The following KIF26B variants were observed in gnomAD, a reference collection of about 807,000 sequenced individuals.
The protein encoded by KIF26B is kinesin family member 26B, also known as kinesin-like protein KIF26B.
In KIF26B, 63 loss-of-function variants were observed where a neutral mutation model predicts 151.2. The ratio of observed to expected loss-of-function variants is 0.42; its 90% confidence interval spans 0.34 to 0.51. The LOEUF (loss-of-function observed/expected upper bound fraction) is 0.51. Ranked by LOEUF, KIF26B falls within the 20% of genes least tolerant of loss-of-function variation. The pLI is 0.07. For missense variants in KIF26B, 2,813 were observed against 2,913.6 expected (o/e 0.97, Z 0.79); for synonymous variants, 1,357 against 1,262.1 (o/e 1.08, Z -1.59).
chr1:245,337,562 G>A (rs979784961), intron 2 of KIF26B, among the ~76,000 whole-genome samples: 5 of 151,542 alleles, frequency 3.3e-5, no homozygotes, highest in South Asian at 4.2e-4. Context: ...GTGTGCACCC[G>A]TGTATGAGTA....
chr1:245,531,740 G>A (rs1222972176), intron 4 of KIF26B, among the ~76,000 whole-genome samples: 1 of 152,158 alleles, frequency 6.6e-6, no homozygotes, highest in Admixed American at 6.5e-5. Flanking sequence ...CGAGGCAGAA[G>A]CAAAAGGCCA....
chr1:245,513,422 A>G (rs1053283156), intron 4 of KIF26B, among the ~76,000 whole-genome samples: 3 of 152,216 alleles, frequency 2.0e-5, no homozygotes, highest in African/African-American at 4.8e-5. Context: ...AGAGACAGCG[A>G]GAGAGACAGG....
At chr1:245,504,533 T>C (rs75591707) in intron 4 of KIF26B, among the ~76,000 whole-genome samples, 37,593 of 151,700 alleles carry the variant, frequency 0.25, 4,976 homozygotes, top group Middle Eastern at 0.38. Context: ...ACTGCAGTCT[T>C]GACCTCCTGG....
intron 2 of KIF26B, among the ~76,000 whole-genome samples, chr1:245,209,443 A>G (rs1669469930): frequency 6.6e-6 from 1 of 152,128 alleles, no homozygotes; most frequent in Non-Finnish European, 1.5e-5. Context: ...GAAAACATTA[A>G]CAAATGGATG....
intron 2 of KIF26B, among the ~76,000 whole-genome samples, chr1:245,233,210 G>A (rs1015503266): frequency 6.6e-6 from 1 of 152,184 alleles, no homozygotes; most frequent in Non-Finnish European, 1.5e-5. Context: ...GGCTCACAGG[G>A]CCCAGAAGGA....
chr1:245,320,485 A>G (rs1284982315), intron 2 of KIF26B, among the ~76,000 whole-genome samples: 1 of 152,116 alleles, frequency 6.6e-6, no homozygotes, highest in Non-Finnish European at 1.5e-5. Context: ...ATTGTTAACT[A>G]AAGTTTATAG....
chr1:245,509,790 C>T (rs1268251079), intron 4 of KIF26B, among the ~76,000 whole-genome samples: 1 of 152,208 alleles, frequency 6.6e-6, no homozygotes, highest in African/African-American at 2.4e-5. Flanking sequence ...TCACAGGTGA[C>T]CTTGTGCTTC....
At chr1:245,566,549 G>A (rs1045917935) in intron 5 of KIF26B, among the ~76,000 whole-genome samples, 3 of 152,232 alleles carry the variant, frequency 2.0e-5, no homozygotes, top group African/African-American at 7.2e-5. Context: ...AAAGAAGAAA[G>A]AGAAAAACAA....
At chr1:245,193,418 A>G (rs1449205293) in intron 2 of KIF26B, among the ~76,000 whole-genome samples, 2 of 151,988 alleles carry the variant, frequency 1.3e-5, no homozygotes, top group Non-Finnish European at 2.9e-5. Flanking sequence ...GTGTTCACCA[A>G]AGACAATCAT....
intron 4 of KIF26B, among the ~76,000 whole-genome samples, chr1:245,433,270 C>G (rs1363770630): frequency 6.6e-6 from 1 of 151,020 alleles, no homozygotes; most frequent in Non-Finnish European, 1.5e-5. Flanking sequence ...TCAAAACCAG[C>G]CTGGCCAACA....
chr1:245,253,388 G>A (rs1670478437), intron 2 of KIF26B, among the ~76,000 whole-genome samples: 1 of 152,088 alleles, frequency 6.6e-6, no homozygotes, highest in Admixed American at 6.6e-5. Context: ...CATCAAAGAT[G>A]CTTTGGTCAT....
intron 11 of KIF26B, among the ~76,000 whole-genome samples, chr1:245,685,039 T>G (rs2044491493): frequency 6.6e-6 from 1 of 152,050 alleles, no homozygotes; most frequent in Non-Finnish European, 1.5e-5. Context: ...TTTTTCCCCC[T>G]TCTCTGTTTT....
chr1:245,661,108 C>A (rs1013955354), intron 10 of KIF26B, among the ~76,000 whole-genome samples: 2 of 151,694 alleles, frequency 1.3e-5, no homozygotes. Context: ...TGCCTCAGCC[C>A]CCCGAGTAGC....
At chr1:245,651,354 G>C (rs2044013553) in intron 10 of KIF26B, among the ~76,000 whole-genome samples, 1 of 152,208 alleles carries the variant, frequency 6.6e-6, no homozygotes, top group Non-Finnish European at 1.5e-5. Context: ...AGAGGGTGGG[G>C]TTCTGGCACC....
intron 4 of KIF26B, among the ~76,000 whole-genome samples, chr1:245,447,738 G>A (rs576115679): frequency 3.9e-5 from 6 of 152,198 alleles, no homozygotes; most frequent in South Asian, 2.1e-4. Context: ...GCCCCTTTCC[G>A]TGGCAGTGAC....
chr1:245,634,304 C>A (rs1444264756), intron 9 of KIF26B, among the ~76,000 whole-genome samples: 1 of 152,140 alleles, frequency 6.6e-6, no homozygotes, highest in Non-Finnish European at 1.5e-5. Flanking sequence ...TCTTTCCAAT[C>A]TGGATATCGT....
At chr1:245,600,794 C>T (rs892373164) in intron 5 of KIF26B, among the ~76,000 whole-genome samples, 2 of 152,144 alleles carry the variant, frequency 1.3e-5, no homozygotes, top group Non-Finnish European at 2.9e-5. Context: ...TGCCCATTCA[C>T]TGAGTTTGCA....
At chr1:245,301,177 A>G (rs912429369) in intron 2 of KIF26B, among the ~76,000 whole-genome samples, 2 of 152,152 alleles carry the variant, frequency 1.3e-5, no homozygotes, top group Non-Finnish European at 1.5e-5. Context: ...GCGGATGGCC[A>G]TGGCTCTACT....
intron 2 of KIF26B, among the ~76,000 whole-genome samples, chr1:245,355,145 G>A (rs1027187503): frequency 4.6e-5 from 7 of 152,152 alleles, no homozygotes; most frequent in African/African-American, 1.2e-4. Context: ...GGCTGGTCTC[G>A]AACTCCTGAC....
Sources: gnomAD v4.1 joint callset for allele counts (sites outside exome capture counted in the v4.1 genomes callset) on GRCh38, gnomAD v4.1.1 for gene constraint, MANE v1.5 for transcripts, NCBI Gene and HGNC (gene_info 2026-07-23, HGNC 2026-07-21) for gene names.